Variants in CDH18 observed in about 807,000 individuals in gnomAD.
CDH18 encodes the protein cadherin 18, also known as cadherin-18.
CDH18 carries 31 observed loss-of-function variants against 67.9 expected under a neutral mutation model. That is an observed-to-expected ratio of 0.46 (90% CI 0.34 to 0.62). The LOEUF (loss-of-function observed/expected upper bound fraction) is 0.62. Among genes scored for constraint, CDH18 ranks in the 20% least tolerant of loss-of-function variants. The probability of loss-of-function intolerance (pLI) is 0.01; values close to 1 mark genes in which losing one functional copy is unlikely to be tolerated. For missense variants in CDH18, 890 were observed against 975.5 expected, an observed-to-expected ratio of 0.91 and a Z score of 1.17; for synonymous variants, 362 against 347.2, an observed-to-expected ratio of 1.04 and a Z score of -0.48.
chr5:20,508,986 ATATT>A (rs1230877088), intron 1 of CDH18, among the ~76,000 whole-genome samples: 9 of 152,162 alleles, frequency 5.9e-5, no homozygotes, highest in African/African-American at 1.2e-4. Context: ...AAAATTGTAC[ATATT>A]TATTGTGTAA....
intron 11 of CDH18, among the ~76,000 whole-genome samples, chr5:19,497,532 C>G (rs1469865785): frequency 6.6e-6 from 1 of 152,010 alleles, no homozygotes; most frequent in East Asian, 1.9e-4. Context: ...CATCAGATTC[C>G]AAATTCAAGA....
At chr5:19,586,372 C>T (rs1308115398) in intron 7 of CDH18, among the ~76,000 whole-genome samples, 1 of 152,004 alleles carries the variant, frequency 6.6e-6, no homozygotes, top group African/African-American at 2.4e-5. Flanking sequence ...CCACCCCCTA[C>T]TCCTATAGGC....
In CDH18 at chr5:20,110,930, T is replaced by G. The variant is rs962916414; in HGVS notation, c.-517-118916A>C. ...AATAAGAGCCTAACTTGCAGGCAGA[T>G]TTGTCTTCTTGGCTTTTTTCTACTG... On this transcript the variant is annotated intron_variant, in intron 2 of 14. Coordinates refer to the CDH18 transcript ENST00000507958. 3.9e-5 allele frequency among the ~76,000 whole-genome samples: 6 copies of G among 152,142 alleles called. No individual in the cohort carries two copies. In the South Asian group the frequency reaches 6.2e-4, roughly 16 times the overall value.
intron 2 of CDH18, among the ~76,000 whole-genome samples, chr5:19,847,678 T>G (rs751396255): frequency 6.6e-6 from 1 of 152,084 alleles, no homozygotes; most frequent in Non-Finnish European, 1.5e-5. Flanking sequence ...ATCTGCGTAT[T>G]TGAAAGTCAG....
At position 20,004,314 on chromosome 5, in the gene CDH18, C is replaced by T. The variant is rs138777111; in HGVS notation, c.-517-12300G>A. On this transcript the variant is annotated intron_variant, in intron 2 of 14. Coordinates refer to the CDH18 transcript ENST00000507958. ...AAAGAGTATTACATCAAGGTGAAACCTTCACTATTTTAGCAACTGGGCATT... is the reference window on the plus strand; with the variant it reads ...AAAGAGTATTACATCAAGGTGAAACTTTCACTATTTTAGCAACTGGGCATT... Among the ~76,000 whole-genome samples the T allele has an allele frequency of 1.8e-4, 27 of 152,288 alleles. No homozygotes were observed. In the South Asian group the frequency reaches 3.7e-3, roughly 21 times the overall value.
rs139970370 is a variant in CDH18, at chr5:20,339,387, A to G, written c.-579-83882T>C. ...GTAAATGGTCTGAGGTCCCATATGT[A>G]TAAGCCTCCTTTGCTTTGTGGGATA... On this transcript the variant is annotated intron_variant, in intron 1 of 14. Transcript: ENST00000507958. 1.5e-3 allele frequency among the ~76,000 whole-genome samples: 234 copies of G among 152,234 alleles called. 1 individual carries two copies. The highest frequency in any genetic ancestry group is 3.0e-3 in the Non-Finnish European group (201 of 68,026).
chr5:20,295,873 T>A (rs1341291062), intron 1 of CDH18, among the ~76,000 whole-genome samples: 1 of 6,276 alleles, frequency 1.6e-4, no homozygotes, highest in Non-Finnish European at 1.4e-3. Context: ...CTTTTTTTTC[T>A]TTTTTTTTTT....
chr5:20,453,926 G>A (rs1414201025), intron 1 of CDH18, among the ~76,000 whole-genome samples: 3 of 152,070 alleles, frequency 2.0e-5, no homozygotes, highest in African/African-American at 7.2e-5. Context: ...TCCAATAACA[G>A]TTGCGAAGGG....
At chr5:19,520,099 C>A (rs558824719) in intron 10 of CDH18, among the ~76,000 whole-genome samples, 4 of 152,274 alleles carry the variant, frequency 2.6e-5, no homozygotes. Context: ...CTATAGGCAA[C>A]CAGCCTTCCA....
At chr5:19,728,545 T>C (rs1224383925) in intron 4 of CDH18, among the ~76,000 whole-genome samples, 1 of 152,214 alleles carries the variant, frequency 6.6e-6, no homozygotes, top group Non-Finnish European at 1.5e-5. Flanking sequence ...TGTTTTTTGG[T>C]ACTACTGCTT....
chr5:20,403,359 G>T (rs925548273), intron 1 of CDH18, among the ~76,000 whole-genome samples: 18 of 152,072 alleles, frequency 1.2e-4, no homozygotes, highest in African/African-American at 2.2e-4. Context: ...CTGGAGTTTG[G>T]TGTACAAATG....
At chr5:20,053,260 T>C (rs575506023) in intron 2 of CDH18, among the ~76,000 whole-genome samples, 7 of 151,264 alleles carry the variant, frequency 4.6e-5, no homozygotes, top group African/African-American at 7.3e-5. Context: ...ACAGTCCATA[T>C]ATACATATAG....
chr5:20,062,810 T>C (rs1459989627), intron 2 of CDH18, among the ~76,000 whole-genome samples: 1 of 152,162 alleles, frequency 6.6e-6, no homozygotes, highest in Non-Finnish European at 1.5e-5. Flanking sequence ...GACTGAATGC[T>C]TAGGTCAGTC....
At chr5:20,435,392 T>C (rs1278165756) in intron 1 of CDH18, among the ~76,000 whole-genome samples, 2 of 152,044 alleles carry the variant, frequency 1.3e-5, no homozygotes, top group Non-Finnish European at 2.9e-5. Flanking sequence ...AATCAATTAC[T>C]ATTTTCAAAA....
intron 2 of CDH18, among the ~76,000 whole-genome samples, chr5:20,135,328 T>C (rs555856245): frequency 1.6e-4 from 25 of 152,316 alleles, no homozygotes; most frequent in South Asian, 8.3e-4. Flanking sequence ...GGAGGGTGTA[T>C]GTGTCCAGAA....
intron 2 of CDH18, among the ~76,000 whole-genome samples, chr5:20,250,904 C>T (rs1743810200): frequency 6.6e-6 from 1 of 152,012 alleles, no homozygotes; most frequent in Non-Finnish European, 1.5e-5. Flanking sequence ...TGGCGCCCAG[C>T]CAGACAAATG....
chr5:20,540,853 T>C (rs1041879126), intron 1 of CDH18, among the ~76,000 whole-genome samples: 1 of 152,224 alleles, frequency 6.6e-6, no homozygotes, highest in African/African-American at 2.4e-5. Flanking sequence ...CTGAAGACCT[T>C]TGTCAAATGC....
intron 1 of CDH18, among the ~76,000 whole-genome samples, chr5:20,403,819 G>T (rs551560794): frequency 6.6e-6 from 1 of 152,036 alleles, no homozygotes; most frequent in Admixed American, 6.6e-5. Flanking sequence ...AGTGAGAGTC[G>T]GCCTGTTCTT....
chr5:19,649,913 G>A (rs565302767), intron 5 of CDH18, among the ~76,000 whole-genome samples: 5 of 151,818 alleles, frequency 3.3e-5, no homozygotes, highest in Non-Finnish European at 7.4e-5. Context: ...GAGTAATGGT[G>A]GATGACTGTG....
Sources: allele counts gnomAD v4.1 joint callset (sites outside exome capture counted in the v4.1 genomes callset), GRCh38; gene constraint gnomAD v4.1.1; transcripts MANE v1.5; gene names NCBI Gene and HGNC (gene_info 2026-07-23, HGNC 2026-07-21).